ITGAE: variants seen among roughly 807,000 people sequenced by gnomAD.
ITGAE encodes integrin subunit alpha E, also known as integrin alpha-E.
ITGAE carries 99 observed loss-of-function variants against 136.5 expected under a neutral mutation model. The ratio of observed to expected loss-of-function variants is 0.73; its 90% CI spans 0.62 to 0.86. The LOEUF (loss-of-function observed/expected upper bound fraction) is 0.86, where lower values mean the gene tolerates loss of function less well. ITGAE is among the 40% of genes least tolerant of loss of function. ITGAE has a pLI of 0.00. For synonymous variants in ITGAE, 613 were observed against 591.8 expected (o/e 1.04, Z -0.52); for missense variants, 1,447 against 1,515.3 (o/e 0.95, Z 0.75).
At chr17:3,723,189 G>A in intron 28 of ITGAE, 99 bp downstream of exon 28, 1 of 855,204 alleles carries the variant, frequency 1.2e-6, no homozygotes, top group Non-Finnish European at 2.0e-6. Flanking sequence ...GATCTATTTT[G>A]GACATGGACA....
Position 3,728,007 on chromosome 17 carries a change from A to C in ITGAE, c.2996T>G (p.Phe999Cys), listed in dbSNP as rs1373242586. 1 of 1,614,032 alleles carries C rather than the reference A, an allele frequency of 6.2e-7. No individual in the cohort carries two copies. The highest frequency in any genetic ancestry group is 1.1e-5 in the South Asian group (1 of 91,080). ...FLFHVHGENL[F>C]GAEYQLQICV... ...AATTTGCAACTGGTATTCTGCTCCA[A>C]AGAGGTTCTCCCCATGTACCTGCAA... Residue 999 changes from phenylalanine (F) to cysteine (C), a missense_variant, in exon 26 of 31, where the codon TTT becomes TGT. Transcript: ENST00000263087.
rs1342846149 is a variant in ITGAE, at chr17:3,761,430, G to C, written c.406C>G (p.Gln136Glu). ...CSLLGPDLRP[Q>E]AQANFFDLEN... ...AGGTCGAAGAAGTTGGCCTGAGCCT[G>C]GGGACGGAGGTCAGGGCCCAGGAGG... The change falls in exon 5 of 31, where the codon CAG becomes GAG. Residue 136 changes from glutamine to glutamate, a missense_variant. Gln to Glu is a conservative substitution (Grantham distance 29, BLOSUM62 2). Around this residue, in one of 3 missense-constraint regions of ITGAE, gnomAD observed 310 missense variants for 416.1 expected, o/e 0.74. Coordinates refer to ENST00000263087, the MANE Select transcript of ITGAE (RefSeq NM_002208.5). The C allele has an allele frequency of 6.2e-7, 1 of 1,613,506 alleles. No homozygotes were observed.
rs544614363 is a variant in ITGAE, at chr17:3,743,356, G to A, written c.2448+133C>T. ...TCTCAGGGACTCAGTTTCACCATGA[G>A]TACGGTGAGGGGCCCAAATGCCGTC... On this transcript the variant is annotated intron_variant, in intron 19 of 30. Coordinates refer to ENST00000263087, the MANE Select transcript of ITGAE (RefSeq NM_002208.5). The A allele has an allele frequency of 1.1e-5, 11 of 1,014,476 alleles. No individual in the cohort carries two copies. The East Asian group carries it at 2.9e-4, about 27-fold the overall frequency. The allele number at this position is 1,014,476 out of a possible 1,614,324, so 62.8% of individuals were successfully genotyped here.
At chr17:3,724,467 G>T (rs749617939) in intron 26 of ITGAE, 2 of 1,613,758 alleles carry the variant, frequency 1.2e-6, no homozygotes, top group South Asian at 2.2e-5. Context: ...GCCCTGCCCC[G>T]GGTCCCCAAC....
At chr17:3,730,704 C>CA (rs2051322269) in intron 23 of ITGAE, among the ~76,000 whole-genome samples, 1 of 152,092 alleles carries the variant, frequency 6.6e-6, no homozygotes, top group Non-Finnish European at 1.5e-5. Context: ...TCATGGCAAT[C>CA]AAAACAGGCA....
chr17:3,750,608 A>G, intron 15 of ITGAE, 126 bp from the exon 16 acceptor site: 1 of 1,156,018 alleles, frequency 8.7e-7, no homozygotes, highest in Non-Finnish European at 1.2e-6. Context: ...CCGAGTCTAG[A>G]ACCAGGAAAG....
chr17:3,716,191 A>G (rs1163226955), intron 30 of ITGAE, among the ~76,000 whole-genome samples: 1 of 148,736 alleles, frequency 6.7e-6, no homozygotes, highest in Non-Finnish European at 1.5e-5. Context: ...AAGAAAAAAA[A>G]GCAACACTTA....
At chr17:3,787,361 C>T in intron 1 of ITGAE, among the ~76,000 whole-genome samples, 1 of 152,164 alleles carries the variant, frequency 6.6e-6, no homozygotes, top group Non-Finnish European at 1.5e-5. Context: ...ATCCGCCCAC[C>T]TCAGCCTCCC....
chr17:3,797,077 C>T (rs188077965), intron 1 of ITGAE, among the ~76,000 whole-genome samples: 2 of 151,846 alleles, frequency 1.3e-5, no homozygotes, highest in Non-Finnish European at 2.9e-5. Context: ...CTCCCTCACC[C>T]TTCATCTCCC....
chr17:3,739,800 C>A lies in ITGAE; in HGVS notation c.2522+5G>T. 6.2e-7 allele frequency: 1 copy of A among 1,613,646 alleles called. No homozygotes were observed. The highest frequency in any genetic ancestry group is 1.3e-5 in the African/African-American group (1 of 75,048). ...CGAGGAAACTGACGGCTATGTCCAACTCACTGAGAGACGGTGGTGGCCAAC... is the reference window on the plus strand; with the variant it reads ...CGAGGAAACTGACGGCTATGTCCAAATCACTGAGAGACGGTGGTGGCCAAC... On this transcript the variant is annotated splice_donor_5th_base_variant and intron_variant, in intron 20 of 30. Coordinates refer to ENST00000263087, the MANE Select transcript of ITGAE (RefSeq NM_002208.5).
At chr17:3,724,439 G>A (rs765069883) in intron 26 of ITGAE, 1 of 1,613,460 alleles carries the variant, frequency 6.2e-7, no homozygotes, top group Admixed American at 1.7e-5. Flanking sequence ...GTGCCTCCCT[G>A]TTCAGCTCTC....
chr17:3,761,431 G>C lies in ITGAE; in HGVS notation c.405C>G (p.Pro135=). The C allele has an allele frequency of 6.2e-7, 1 of 1,613,686 alleles. No homozygotes were observed. Residue 135 remains proline (P), a synonymous_variant, in exon 5 of 31, where the codon CCC becomes CCG. Coordinates refer to ENST00000263087, the MANE Select transcript of ITGAE (RefSeq NM_002208.5). ...TCSLLGPDLR[P]QAQANFFDLE... ...GGTCGAAGAAGTTGGCCTGAGCCTG[G>C]GGACGGAGGTCAGGGCCCAGGAGGC...
chr17:3,771,342 C>T lies in ITGAE; in HGVS notation c.155+6198G>A, dbSNP rs375627151. On this transcript the variant is annotated intron_variant, in intron 2 of 30. Transcript: ENST00000263087. ...CGTTGATACTAAATGCAAAACCAGGCGAGGCTAATCCACGGAGATGAAAGT... is the reference window on the plus strand; with the variant it reads ...CGTTGATACTAAATGCAAAACCAGGTGAGGCTAATCCACGGAGATGAAAGT... Among the ~76,000 whole-genome samples the T allele has an allele frequency of 5.2e-4, 79 of 152,156 alleles. 1 individual carries two copies. In the South Asian group the frequency reaches 0.014, roughly 26 times the overall value.
intron 24 of ITGAE, 58 bp downstream of exon 24, chr17:3,729,420 C>T: frequency 9.2e-7 from 1 of 1,091,256 alleles, no homozygotes; most frequent in African/African-American, 1.5e-5. Flanking sequence ...AGAGAGAGCC[C>T]AAAGCTGCCC....
chr17:3,792,363 C>A (rs527694450), intron 1 of ITGAE, among the ~76,000 whole-genome samples: 1 of 152,118 alleles, frequency 6.6e-6, no homozygotes, highest in African/African-American at 2.4e-5. Flanking sequence ...GTGATCCGCC[C>A]GCCTTGGCCT....
rs79803999 is a variant in ITGAE at position 3,759,724 on chromosome 17, C to T, written c.715-171G>A. 9.6e-3 allele frequency among the ~76,000 whole-genome samples: 1,459 copies of T among 152,278 alleles called. 15 individuals carry two copies. Among genetic ancestry groups the T allele is most frequent in the South Asian group, 0.053 (255 of 4,822 alleles). ...AAGCGAGTAGGGGTGGAGAAGGGTGCGATAGTAAAGGCCCCCAGTGAATCA... is the reference window on the plus strand; with the variant it reads ...AAGCGAGTAGGGGTGGAGAAGGGTGTGATAGTAAAGGCCCCCAGTGAATCA... On this transcript the variant is annotated intron_variant, in intron 7 of 30. Transcript: ENST00000263087.
intron 21 of ITGAE, among the ~76,000 whole-genome samples, chr17:3,733,482 C>T (rs148494903): frequency 2.7e-4 from 41 of 152,256 alleles, no homozygotes; most frequent in African/African-American, 8.4e-4. Flanking sequence ...AGTGCAGTGG[C>T]GCAATCTCAG....
In ITGAE at chr17:3,750,498, C is replaced by T. The variant is rs372118215; in HGVS notation, c.1894-16G>A. The T allele has an allele frequency of 5.0e-6, 8 of 1,613,758 alleles. No homozygotes were observed. Among genetic ancestry groups the T allele is most frequent in the Non-Finnish European group, 6.8e-6 (8 of 1,179,940 alleles). On this transcript the variant is annotated splice_polypyrimidine_tract_variant and intron_variant, in intron 15 of 30. Coordinates refer to ENST00000263087, the MANE Select transcript of ITGAE (RefSeq NM_002208.5). Reference sequence around the variant, plus strand: ...CTCTGATCCGCTGTGGAGGCAGAAACACAAGGCGTGGGGCGAGGGAAGGGA... The same window carrying T: ...CTCTGATCCGCTGTGGAGGCAGAAATACAAGGCGTGGGGCGAGGGAAGGGA...
intron 17 of ITGAE, among the ~76,000 whole-genome samples, chr17:3,746,322 T>C (rs1201052101): frequency 6.6e-6 from 1 of 151,906 alleles, no homozygotes; most frequent in East Asian, 1.9e-4. Flanking sequence ...ACCGTGGAGA[T>C]CCCGGGGCCG....
Sources: gnomAD v4.1 joint callset for allele counts (sites outside exome capture counted in the v4.1 genomes callset) on GRCh38, gnomAD v4.1.1 for gene constraint, gnomAD v4.1.1 regional missense constraint, MANE v1.5 for transcripts, NCBI Gene and HGNC (gene_info 2026-07-23, HGNC 2026-07-21) for gene names.